FAM167A: variants seen among roughly 807,000 people sequenced by gnomAD.
The protein encoded by FAM167A is family with sequence similarity 167 member A, also known as protein FAM167A.
In FAM167A, 23 loss-of-function variants were observed where a neutral mutation model predicts 14.9. The observed-to-expected ratio is 1.55, with a 90% CI of 1.11 to 2.19. The LOEUF (loss-of-function observed/expected upper bound fraction) is 2.19. Ranked by LOEUF, FAM167A falls within the 30% of genes most tolerant of loss-of-function variation. The pLI is 0.00. For synonymous variants in FAM167A, 174 were observed against 117.7 expected (o/e 1.48, Z -3.10); for missense variants, 401 against 281.5 (o/e 1.42, Z -3.04).
intron 1 of FAM167A, among the ~76,000 whole-genome samples, chr8:11,475,185 C>A (rs1037235001): frequency 2.6e-5 from 4 of 152,198 alleles, no homozygotes; most frequent in Admixed American, 1.3e-4. Context: ...GGTGCCCCCA[C>A]CTTAGGACAG....
upstream of FAM167A, among the ~76,000 whole-genome samples, chr8:11,469,714 T>TGAA (rs1274066394): frequency 1.9e-4 from 28 of 146,942 alleles, no homozygotes; most frequent in Non-Finnish European, 3.8e-4. Context: ...AAAAAAAAAA[T>TGAA]GAAGAAGAAG....
At chr8:11,428,274 G>GT (rs533680298) in intron 2 of FAM167A, among the ~76,000 whole-genome samples, 78 of 152,296 alleles carry the variant, frequency 5.1e-4, no homozygotes, top group African/African-American at 1.9e-3. Context: ...GGAAGGGGCT[G>GT]TTTTTCTGTG....
chr8:11,424,458 G>A lies in FAM167A; in HGVS notation c.560C>T (p.Ala187Val). ...LADLFCDSPL[A>V]SSFSLSTPLK... ...TGGTGTGGAGAGGCTGAAGGAGGAG[G>A]CAAGAGGGGAGTCACAGAAGAGGTC... The change falls in exon 3 of 3, where the codon GCC becomes GTC. Residue 187 changes from alanine to valine, a missense_variant. By Grantham distance (64) the Ala-to-Val change is moderately conservative (BLOSUM62 0). Coordinates refer to ENST00000284486, the MANE Select transcript of FAM167A (RefSeq NM_053279.3). 2 of 1,614,146 alleles carry A rather than the reference G, an allele frequency of 1.2e-6. No homozygotes were observed. Among genetic ancestry groups the A allele is most frequent in the Non-Finnish European group, 8.5e-7 (1 of 1,180,014 alleles).
chr8:11,465,916 T>G (rs1807746609), intron 1 of FAM167A, among the ~76,000 whole-genome samples: 1 of 152,094 alleles, frequency 6.6e-6, no homozygotes, highest in Non-Finnish European at 1.5e-5. Context: ...GAGGTCCCAG[T>G]CCTCAGAATT....
chr8:11,438,532 T>G (rs1159531902), intron 2 of FAM167A: 1 of 456,854 alleles, frequency 2.2e-6, no homozygotes, highest in Non-Finnish European at 4.4e-6. Flanking sequence ...GCTTCTTTGG[T>G]CTTTCAATAA....
In FAM167A at chr8:11,422,374, GTGTGTGTGTGTGTGTGTGT is replaced by G. The variant is rs1804808233; in HGVS notation, c.*1980_*1998del. The G allele has an allele frequency of 1.1e-5, 1 of 91,688 alleles. No homozygotes were observed. The highest frequency in any genetic ancestry group is 9.5e-5 in the Admixed American group (1 of 10,502). The allele number at this position is 91,688 out of a possible 1,614,324, so 5.7% of individuals were successfully genotyped here. A position where few individuals can be genotyped will look rare whatever the true frequency, so the allele number is the denominator to read the frequency against. On this transcript the variant is annotated 3_prime_UTR_variant, in exon 3 of 3. Transcript: ENST00000284486. The stretch of plus-strand genomic sequence containing the variant: ...CTCTGTCGTGTGTGTGTGTGTGGGG[GTGTGTGTGTGTGTGTGTGT>G]GTGTGTGTGTGTAGGTCAGCCCGAG...
intron 2 of FAM167A, among the ~76,000 whole-genome samples, chr8:11,432,321 C>T (rs1585236871): frequency 1.3e-5 from 2 of 152,126 alleles, no homozygotes; most frequent in East Asian, 3.8e-4. Flanking sequence ...GCAATCTATC[C>T]ATCTGACAAA....
At chr8:11,462,233 A>T (rs532314923) in intron 1 of FAM167A, among the ~76,000 whole-genome samples, 2 of 152,238 alleles carry the variant, frequency 1.3e-5, no homozygotes, top group African/African-American at 4.8e-5. Context: ...GGAGCAAGTT[A>T]GAACAGGGCA....
intron 2 of FAM167A, among the ~76,000 whole-genome samples, chr8:11,427,031 C>T (rs569236713): frequency 1.2e-4 from 19 of 152,244 alleles, no homozygotes; most frequent in East Asian, 1.9e-4. Flanking sequence ...GGGCCCAACA[C>T]GGAAGTTCTT....
intron 1 of FAM167A, among the ~76,000 whole-genome samples, chr8:11,456,230 T>G (rs1585274121): frequency 8.2e-6 from 1 of 122,504 alleles, no homozygotes. Context: ...TGAGTGAGTG[T>G]GGGGGGTGGT....
intron 1 of FAM167A, among the ~76,000 whole-genome samples, chr8:11,450,129 C>A (rs543140082): frequency 6.6e-6 from 1 of 152,210 alleles, no homozygotes; most frequent in Non-Finnish European, 1.5e-5. Context: ...CTCTTTCACA[C>A]CCCTGACTCG....
rs573857490 is a variant in FAM167A, at chr8:11,444,392, T to G, written c.20A>C (p.His7Pro). The G allele has an allele frequency of 5.0e-5, 78 of 1,556,522 alleles. No homozygotes were observed. Among genetic ancestry groups the G allele is most frequent in the Non-Finnish European group, 6.7e-5 (77 of 1,151,024 alleles). MSVPQI[H>P]VEEVGAEEGA... ...CTCTTCTGCACCCACTTCTTCCACGTGGATCTGGGGCACAGACATTCTACA... is the reference window on the plus strand; with the variant it reads ...CTCTTCTGCACCCACTTCTTCCACGGGGATCTGGGGCACAGACATTCTACA... Residue 7 changes from histidine (H) to proline (P), a missense_variant, in exon 2 of 3, where the codon CAC (histidine) becomes CCC (proline). By Grantham distance (77) the His-to-Pro change is moderately conservative. Coordinates refer to ENST00000284486, the MANE Select transcript of FAM167A (RefSeq NM_053279.3).
At chr8:11,438,216 G>T (rs758077371) in intron 2 of FAM167A, 8 of 441,958 alleles carry the variant, frequency 1.8e-5, no homozygotes, top group South Asian at 1.3e-4. Context: ...TTCCGGTGAG[G>T]TGCTGCTGTG....
intron 1 of FAM167A, among the ~76,000 whole-genome samples, chr8:11,452,906 C>T (rs1300237912): frequency 6.6e-6 from 1 of 152,208 alleles, no homozygotes; most frequent in Admixed American, 6.5e-5. Context: ...CTTCTGACTT[C>T]ACGCAGGAGA....
At chr8:11,463,045 C>A (rs1486099759) in intron 1 of FAM167A, among the ~76,000 whole-genome samples, 1 of 152,082 alleles carries the variant, frequency 6.6e-6, no homozygotes, top group Admixed American at 6.5e-5. Context: ...CTTCACCGAG[C>A]CCACAGGACA....
chr8:11,460,017 C>T (rs187880043), intron 1 of FAM167A, among the ~76,000 whole-genome samples: 16 of 152,314 alleles, frequency 1.1e-4, no homozygotes, highest in Admixed American at 4.6e-4. Context: ...CGTGAGCCAC[C>T]GCACCAGGCC....
chr8:11,450,021 C>A (rs1585266637), intron 1 of FAM167A, among the ~76,000 whole-genome samples: 1 of 152,226 alleles, frequency 6.6e-6, no homozygotes, highest in Non-Finnish European at 1.5e-5. Flanking sequence ...GCTGTTCCTT[C>A]CAGCCTCGCA....
intron 1 of FAM167A, among the ~76,000 whole-genome samples, chr8:11,460,334 T>C (rs1166337745): frequency 1.3e-5 from 2 of 151,866 alleles, no homozygotes; most frequent in African/African-American, 4.8e-5. Context: ...GACCTGGGAG[T>C]CAGCTACTGG....
At chr8:11,447,183 C>CTTT (rs1554528477) in intron 1 of FAM167A, among the ~76,000 whole-genome samples, 4,008 of 147,014 alleles carry the variant, frequency 0.027, 197 homozygotes, top group African/African-American at 0.097. Flanking sequence ...GGTTTCTTTT[C>CTTT]TTTTTCTTTT....
Sources: allele counts gnomAD v4.1 joint callset (sites outside exome capture counted in the v4.1 genomes callset), GRCh38; gene constraint gnomAD v4.1.1; transcripts MANE v1.5; gene names NCBI Gene and HGNC (gene_info 2026-07-23, HGNC 2026-07-21).